The following MCM9 variants were observed in gnomAD, a reference collection of about 807,000 sequenced individuals.
MCM9 encodes the protein minichromosome maintenance 9 homologous recombination repair factor.
A neutral mutation model predicts 72.8 loss-of-function variants in MCM9; 55 were observed. That is an observed-to-expected ratio of 0.76 (90% CI 0.61 to 0.95). The LOEUF is 0.95. Among genes scored for constraint, MCM9 ranks in the 40% least tolerant of loss-of-function variants. The probability of loss-of-function intolerance (pLI) is 0.00; values close to 1 mark genes in which losing one functional copy is unlikely to be tolerated. For missense variants in MCM9, 1,279 were observed against 1,377.0 expected, an observed-to-expected ratio of 0.93 and a Z score of 1.13; for synonymous variants, 480 against 503.4, an observed-to-expected ratio of 0.95 and a Z score of 0.62.
chr6:118,891,913 C>T (rs552375848), intron 8 of MCM9, among the ~76,000 whole-genome samples: 2 of 152,256 alleles, frequency 1.3e-5, no homozygotes, highest in Non-Finnish European at 1.5e-5. Flanking sequence ...TATGTGGGAC[C>T]CCCTTGGGTA....
intron 1 of MCM9, chr6:118,934,540 G>T (rs1051818330): frequency 6.6e-6 from 1 of 151,466 alleles, no homozygotes; most frequent in Non-Finnish European, 1.5e-5. Context: ...GCGGGCTGGC[G>T]GGACGCGCGC....
intron 9 of MCM9, among the ~76,000 whole-genome samples, chr6:118,844,374 A>G (rs1267938369): frequency 1.3e-5 from 2 of 151,756 alleles, no homozygotes; most frequent in African/African-American, 4.9e-5. Flanking sequence ...AAATGAACAC[A>G]TGAGTTAACG....
At chr6:118,908,149 C>A (rs1426214941) in intron 8 of MCM9, 2 of 152,678 alleles carry the variant, frequency 1.3e-5, no homozygotes, top group Admixed American at 1.3e-4. Flanking sequence ...TCCAAGCCAC[C>A]GTGAAGCCTC....
In MCM9 at chr6:118,894,834, G is replaced by T. The variant is rs1200087704; in HGVS notation, c.1150+16816C>A. Among the ~76,000 whole-genome samples the T allele has an allele frequency of 2.6e-5, 4 of 152,326 alleles. No homozygotes were observed. The South Asian group carries it at 8.3e-4, about 32-fold the overall frequency. On this transcript the variant is annotated intron_variant, in intron 8 of 13. Coordinates refer to ENST00000619706, the MANE Select transcript of MCM9 (RefSeq NM_017696.3). Reference sequence around the variant, plus strand: ...CACTCGCTCCCGCTGCGCCGCCTGAGGTCGCGCCGGGCTGGCTCCGCGCCG... The same window carrying T: ...CACTCGCTCCCGCTGCGCCGCCTGATGTCGCGCCGGGCTGGCTCCGCGCCG...
At chr6:118,889,275 T>C (rs1583552019) in intron 8 of MCM9, among the ~76,000 whole-genome samples, 1 of 152,350 alleles carries the variant, frequency 6.6e-6, no homozygotes, top group Non-Finnish European at 1.5e-5. Context: ...GGTTTTTGAC[T>C]CTTTCTAAAT....
At position 118,823,357 on chromosome 6, in the gene MCM9, G is replaced by A. The variant is rs74720876; in HGVS notation, c.1961+2790C>T. Among the ~76,000 whole-genome samples the A allele has an allele frequency of 7.5e-3, 1,147 of 152,232 alleles. 8 individuals are homozygous for A. The highest frequency in any genetic ancestry group is 0.029 in the South Asian group (138 of 4,804). On this transcript the variant is annotated intron_variant, in intron 13 of 13. Transcript: ENST00000619706. The stretch of plus-strand genomic sequence containing the variant: ...TTGGCTGGGGGAGGGAAGTCCTCCG[G>A]GTCCTTGTAAGTCCAGGGTGAGGTG...
At chr6:118,925,956 A>T (rs925036642) in intron 3 of MCM9, among the ~76,000 whole-genome samples, 1 of 152,232 alleles carries the variant, frequency 6.6e-6, no homozygotes, top group Non-Finnish European at 1.5e-5. Flanking sequence ...CACATGCCAT[A>T]AAATTTACCC....
chr6:118,823,442 C>T (rs1053172584), intron 13 of MCM9, among the ~76,000 whole-genome samples: 1 of 152,156 alleles, frequency 6.6e-6, no homozygotes, highest in Non-Finnish European at 1.5e-5. Context: ...AACCAGTAGT[C>T]CCAATGCGAT....
In MCM9 at chr6:118,826,255, G is replaced by C. The variant is rs138916071; in HGVS notation, c.1853C>G (p.Thr618Ser). The change falls in exon 13 of 14, where the codon ACT (threonine) becomes AGT (serine). Residue 618 changes from threonine (T) to serine (S), a missense_variant. By Grantham distance (58) the Thr-to-Ser change is moderately conservative (BLOSUM62 1). Transcript: ENST00000619706. ...ALLGGVNALH[T>S]SFPENPGEQY... ...CTCTCCAGGGTTTTCAGGAAAGGAAGTGTGGAGGGCATTCACACCTCCTAG... is the reference window on the plus strand; with the variant it reads ...CTCTCCAGGGTTTTCAGGAAAGGAACTGTGGAGGGCATTCACACCTCCTAG... The C allele has an allele frequency of 6.4e-7, 1 of 1,550,496 alleles. No homozygotes were observed. The highest frequency in any genetic ancestry group is 2.4e-5 in the East Asian group (1 of 40,918).
intron 8 of MCM9, among the ~76,000 whole-genome samples, chr6:118,886,030 T>C (rs1275658974): frequency 2.7e-5 from 4 of 146,960 alleles, no homozygotes; most frequent in African/African-American, 1.0e-4. Context: ...ATCAATATGG[T>C]ATTCTCGTTA....
rs1006710425 is a variant in MCM9 at position 118,843,449 on chromosome 6, C to T, written c.1325+12922G>A. On this transcript the variant is annotated intron_variant, in intron 9 of 13. Coordinates refer to ENST00000619706, the MANE Select transcript of MCM9 (RefSeq NM_017696.3). The stretch of plus-strand genomic sequence containing the variant: ...TTCGAGACCAGCCTCACCAACATGG[C>T]GAAACCCTGTCTCTACTAAAAATAC... Among the ~76,000 whole-genome samples, 22 of 150,652 alleles carry T rather than the reference C, an allele frequency of 1.5e-4. No homozygotes were observed. The East Asian group carries it at 3.9e-3, about 27-fold the overall frequency.
chr6:118,888,976 T>C (rs927135971), intron 8 of MCM9, among the ~76,000 whole-genome samples: 2 of 152,156 alleles, frequency 1.3e-5, no homozygotes, highest in African/African-American at 4.8e-5. Flanking sequence ...TTTGAGATCA[T>C]GAAAATACTC....
intron 3 of MCM9, among the ~76,000 whole-genome samples, chr6:118,927,268 G>A (rs1180550896): frequency 6.6e-6 from 1 of 152,228 alleles, no homozygotes; most frequent in Non-Finnish European, 1.5e-5. Context: ...ATTGAAGAAT[G>A]CCCAATGAGA....
intron 9 of MCM9, among the ~76,000 whole-genome samples, chr6:118,835,325 C>T (rs1248113155): frequency 1.3e-5 from 2 of 152,020 alleles, no homozygotes; most frequent in African/African-American, 4.8e-5. Context: ...ATTGTCTTGT[C>T]TATATGGGCT....
At chr6:118,931,971 TCAAAATC>T (rs1169086685) in intron 2 of MCM9, among the ~76,000 whole-genome samples, 1 of 152,194 alleles carries the variant, frequency 6.6e-6, no homozygotes, top group African/African-American at 2.4e-5. Context: ...GTACTGATTA[TCAAAATC>T]CAAAATAGTT....
intron 9 of MCM9, among the ~76,000 whole-genome samples, chr6:118,848,710 G>A (rs1776036914): frequency 2.0e-5 from 3 of 152,098 alleles, no homozygotes; most frequent in African/African-American, 7.2e-5. Flanking sequence ...GATTGCCTGA[G>A]CTCAGGAGTT....
intron 6 of MCM9, among the ~76,000 whole-genome samples, chr6:118,914,984 T>C (rs1420296185): frequency 6.6e-6 from 1 of 152,212 alleles, no homozygotes; most frequent in African/African-American, 2.4e-5. Flanking sequence ...TTAGTAAGTA[T>C]ACAACACATT....
intron 8 of MCM9, among the ~76,000 whole-genome samples, chr6:118,888,388 A>G (rs978356777): frequency 3.3e-5 from 5 of 152,128 alleles, no homozygotes; most frequent in Non-Finnish European, 2.9e-5. Context: ...TCGGGAGGCT[A>G]AGGCAGGAGA....
intron 8 of MCM9, chr6:118,910,647 C>G (rs940255599): frequency 1.0e-6 from 1 of 985,368 alleles, no homozygotes; most frequent in Non-Finnish European, 1.2e-6. Context: ...ATACAGAACT[C>G]TAGAACACTG....
Sources: gnomAD v4.1 joint callset for allele counts (sites outside exome capture counted in the v4.1 genomes callset) on GRCh38, gnomAD v4.1.1 for gene constraint, MANE v1.5 for transcripts, NCBI Gene and HGNC (gene_info 2026-07-23, HGNC 2026-07-21) for gene names.